SPIDR: variants seen among roughly 807,000 people sequenced by gnomAD.
SPIDR encodes DNA repair-scaffolding protein.
A neutral mutation model predicts 104.6 loss-of-function variants in SPIDR; 93 were observed. The observed-to-expected ratio is 0.89, with a 90% CI of 0.75 to 1.06. SPIDR has a LOEUF of 1.06. Ranked by LOEUF, SPIDR falls within the 50% of genes least tolerant of loss-of-function variation. The pLI is 0.00. For missense variants in SPIDR, 1,154 were observed against 1,111.2 expected, an observed-to-expected ratio of 1.04 and a Z score of -0.55; for synonymous variants, 431 against 416.9, an observed-to-expected ratio of 1.03 and a Z score of -0.41.
At chr8:47,501,655 C>A (rs1404391305) in intron 8 of SPIDR, among the ~76,000 whole-genome samples, 7 of 152,114 alleles carry the variant, frequency 4.6e-5, no homozygotes, top group Non-Finnish European at 1.0e-4. Context: ...TGCCTGATTG[C>A]CCTGGCCAGA....
In SPIDR at chr8:47,634,688, C is replaced by T. The variant is rs767098876; in HGVS notation, c.1544+35492C>T. On this transcript the variant is annotated intron_variant, in intron 10 of 19. Transcript: ENST00000297423. ...TGGTCCAGGCCTGGCTGTGGTACCC[C>T]TGCCCACCATGGCTGAGTGGGAGGG... Among the ~76,000 whole-genome samples the T allele has an allele frequency of 1.2e-4, 19 of 152,160 alleles. 1 individual carries two copies. Among genetic ancestry groups the T allele is most frequent in the Admixed American group, 5.2e-4 (8 of 15,274 alleles).
chr8:47,500,692 G>A (rs929509099), intron 8 of SPIDR, among the ~76,000 whole-genome samples: 1 of 152,180 alleles, frequency 6.6e-6, no homozygotes, highest in Non-Finnish European at 1.5e-5. Flanking sequence ...ATTGCTTTTG[G>A]TGGTTTAGAT....
intron 3 of SPIDR, among the ~76,000 whole-genome samples, chr8:47,287,482 G>A (rs956729286): frequency 5.9e-5 from 9 of 152,154 alleles, no homozygotes; most frequent in Admixed American, 4.6e-4. Context: ...GGAGACCAGG[G>A]TGTATTTCAG....
At chr8:47,318,145 C>T (rs556482750) in intron 5 of SPIDR, among the ~76,000 whole-genome samples, 196 of 152,114 alleles carry the variant, frequency 1.3e-3, no homozygotes, top group African/African-American at 4.1e-3. Context: ...CAAACTACTC[C>T]GAGCTAAAGG....
At chr8:47,694,827 A>T (rs1032687840) in intron 11 of SPIDR, among the ~76,000 whole-genome samples, 132 of 152,280 alleles carry the variant, frequency 8.7e-4, no homozygotes, top group African/African-American at 2.9e-3. Context: ...TTTAAAAAAA[A>T]ATATGAGTTA....
chr8:47,443,845 G>C (rs1554699259), intron 8 of SPIDR, among the ~76,000 whole-genome samples: 3 of 151,674 alleles, frequency 2.0e-5, no homozygotes, highest in Non-Finnish European at 4.4e-5. Flanking sequence ...AGGTACAATG[G>C]CTGCTTACCC....
intron 8 of SPIDR, among the ~76,000 whole-genome samples, chr8:47,578,740 A>G (rs140438036): frequency 3.9e-4 from 59 of 152,348 alleles, no homozygotes; most frequent in African/African-American, 9.6e-4. Context: ...TGAATAAATC[A>G]TATAAAATAT....
chr8:47,502,987 C>G (rs2080789985), intron 8 of SPIDR, among the ~76,000 whole-genome samples: 1 of 152,170 alleles, frequency 6.6e-6, no homozygotes, highest in Non-Finnish European at 1.5e-5. Context: ...TTTGATTGCA[C>G]TGTGGTCTGA....
At chr8:47,283,824 G>A (rs904603194) in intron 2 of SPIDR, among the ~76,000 whole-genome samples, 1 of 152,170 alleles carries the variant, frequency 6.6e-6, no homozygotes, top group East Asian at 1.9e-4. Flanking sequence ...TGGTCAGTCA[G>A]ATCTCTTTAG....
chr8:47,347,859 G>T (rs1362046208), intron 5 of SPIDR, among the ~76,000 whole-genome samples: 1 of 152,004 alleles, frequency 6.6e-6, no homozygotes, highest in Non-Finnish European at 1.5e-5. Context: ...AGGTGAGTTG[G>T]GTCTCCTGAA....
At chr8:47,296,109 A>G (rs2040797479) in intron 5 of SPIDR, among the ~76,000 whole-genome samples, 1 of 152,078 alleles carries the variant, frequency 6.6e-6, no homozygotes, top group African/African-American at 2.4e-5. Context: ...TCCTCTGCAC[A>G]TTTTTAAATT....
At chr8:47,274,062 C>T (rs1245149308) in intron 1 of SPIDR, among the ~76,000 whole-genome samples, 2 of 152,054 alleles carry the variant, frequency 1.3e-5, no homozygotes, top group South Asian at 2.1e-4. Flanking sequence ...GTAGGATAAA[C>T]TTAGGAGTTA....
At chr8:47,579,379 C>A (rs1386198751) in intron 8 of SPIDR, among the ~76,000 whole-genome samples, 1 of 152,156 alleles carries the variant, frequency 6.6e-6, no homozygotes, top group East Asian at 1.9e-4. Flanking sequence ...TATGATAACC[C>A]CACAGAATTT....
rs1346029643 is a variant in SPIDR, at chr8:47,360,771, A to G, written c.526-35605A>G. ...AAAACAAAACAAAAAACAGAAGTGAAAAAGTCTGTGGGGCAAAAATTTGTC... is the reference window on the plus strand; with the variant it reads ...AAAACAAAACAAAAAACAGAAGTGAGAAAGTCTGTGGGGCAAAAATTTGTC... On this transcript the variant is annotated intron_variant, in intron 5 of 19. Transcript: ENST00000297423. The G allele has an allele frequency of 5.7e-5, 53 of 935,308 alleles. 1 individual carries two copies. The highest frequency in any genetic ancestry group is 6.8e-5 in the Non-Finnish European group (53 of 784,234). The allele number at this position is 935,308 out of a possible 1,614,324, so 57.9% of individuals were successfully genotyped here.
At chr8:47,382,348 A>G (rs2059412799) in intron 5 of SPIDR, among the ~76,000 whole-genome samples, 1 of 152,242 alleles carries the variant, frequency 6.6e-6, no homozygotes, top group Non-Finnish European at 1.5e-5. Flanking sequence ...TACAGGAAGT[A>G]ACATTAGCTT....
intron 5 of SPIDR, among the ~76,000 whole-genome samples, chr8:47,298,944 T>A (rs1469710318): frequency 1.2e-4 from 19 of 152,324 alleles, no homozygotes; most frequent in African/African-American, 4.6e-4. Flanking sequence ...CAGGCTCCTT[T>A]TTGGTTCCAT....
At chr8:47,320,928 G>C (rs1403889874) in intron 5 of SPIDR, among the ~76,000 whole-genome samples, 1 of 152,080 alleles carries the variant, frequency 6.6e-6, no homozygotes, top group Non-Finnish European at 1.5e-5. Context: ...CAATAAATTA[G>C]GTATTGATGG....
rs901686435 is a variant in SPIDR, at chr8:47,658,807, G to A, written c.1545-14994G>A. Among the ~76,000 whole-genome samples, 4 of 151,074 alleles carry A rather than the reference G, an allele frequency of 2.6e-5. No individual in the cohort carries two copies. The East Asian group carries it at 5.9e-4, about 22-fold the overall frequency. On this transcript the variant is annotated intron_variant, in intron 10 of 19. Coordinates refer to ENST00000297423, the MANE Select transcript of SPIDR (RefSeq NM_001080394.4). ...AAAAATTAGCAGGGCGTGGTGGCAG[G>A]CACCTGTAATCCCAGCTACTCAGGA...
chr8:47,519,975 G>A (rs1318141908), intron 8 of SPIDR, among the ~76,000 whole-genome samples: 4 of 152,074 alleles, frequency 2.6e-5, no homozygotes, highest in East Asian at 1.9e-4. Flanking sequence ...TCTACCTCTC[G>A]TCATTATATT....
Sources: gnomAD v4.1 joint callset for allele counts (sites outside exome capture counted in the v4.1 genomes callset) on GRCh38, gnomAD v4.1.1 for gene constraint, MANE v1.5 for transcripts, NCBI Gene and HGNC (gene_info 2026-07-23, HGNC 2026-07-21) for gene names.